CTNNA2: variants seen among roughly 807,000 people sequenced by gnomAD.
The protein encoded by CTNNA2 is catenin alpha-2.
A neutral mutation model predicts 101.0 loss-of-function variants in CTNNA2; 42 were observed. The ratio of observed to expected loss-of-function variants is 0.42; its 90% CI spans 0.32 to 0.54. The LOEUF is 0.54. Among genes scored for constraint, CTNNA2 ranks in the 20% least tolerant of loss-of-function variants. The pLI is 0.14. For synonymous variants in CTNNA2, 450 were observed against 456.4 expected, an observed-to-expected ratio of 0.99 and a Z score of 0.18; for missense variants, 871 against 1,223.1, an observed-to-expected ratio of 0.71 and a Z score of 4.29.
chr2:79,766,143 T>A (rs1490359567), intron 3 of CTNNA2, among the ~76,000 whole-genome samples: 2 of 152,214 alleles, frequency 1.3e-5, no homozygotes, highest in African/African-American at 4.8e-5. Flanking sequence ...CAGGTGATTA[T>A]TTATTGCTCA....
chr2:79,658,942 T>C (rs1024630665), intron 2 of CTNNA2, among the ~76,000 whole-genome samples: 1 of 152,100 alleles, frequency 6.6e-6, no homozygotes, highest in South Asian at 2.1e-4. Context: ...TCAAGCTAAT[T>C]AGCACTTTAT....
chr2:79,733,735 A>G (rs1275891657), intron 2 of CTNNA2, among the ~76,000 whole-genome samples: 2 of 152,088 alleles, frequency 1.3e-5, no homozygotes, highest in African/African-American at 4.8e-5. Context: ...TTTTTAGACA[A>G]AAATCAATAT....
intron 9 of CTNNA2, among the ~76,000 whole-genome samples, chr2:80,439,673 T>G (rs538580530): frequency 1.1e-4 from 16 of 152,346 alleles, no homozygotes; most frequent in African/African-American, 3.8e-4. Flanking sequence ...AATGCTGGGA[T>G]TACAGGCATG....
chr2:80,233,316 C>A (rs1315083520), intron 7 of CTNNA2, among the ~76,000 whole-genome samples: 1 of 152,050 alleles, frequency 6.6e-6, no homozygotes, highest in Non-Finnish European at 1.5e-5. Flanking sequence ...GCAATCCCAC[C>A]GAAAAAGAGC....
At chr2:80,126,479 C>G (rs1242945163) in intron 7 of CTNNA2, among the ~76,000 whole-genome samples, 1 of 149,428 alleles carries the variant, frequency 6.7e-6, no homozygotes, top group Non-Finnish European at 1.5e-5. Flanking sequence ...CTCTCTCTCT[C>G]TGTCTTGATC....
At chr2:79,817,349 T>C (rs1677601537) in intron 3 of CTNNA2, among the ~76,000 whole-genome samples, 1 of 149,042 alleles carries the variant, frequency 6.7e-6, no homozygotes, top group African/African-American at 2.5e-5. Context: ...TTTTGCCATT[T>C]TCTGAGTTAA....
intron 2 of CTNNA2, among the ~76,000 whole-genome samples, chr2:79,734,406 T>C (rs1178147639): frequency 1.3e-5 from 2 of 152,148 alleles, no homozygotes; most frequent in African/African-American, 2.4e-5. Context: ...CTGTAAGATA[T>C]ATATTTTAGA....
intron 1 of CTNNA2, among the ~76,000 whole-genome samples, chr2:79,544,806 TG>T (rs1305221614): frequency 6.6e-6 from 1 of 152,162 alleles, no homozygotes; most frequent in Admixed American, 6.5e-5. Context: ...TGGCCTCCCT[TG>T]CTTGAGCTCT....
chr2:79,553,386 A>G (rs1674236770), intron 1 of CTNNA2, among the ~76,000 whole-genome samples: 1 of 152,174 alleles, frequency 6.6e-6, no homozygotes, highest in Admixed American at 6.6e-5. Context: ...ACCTAGTTCC[A>G]AAGTTGCTTC....
intron 2 of CTNNA2, among the ~76,000 whole-genome samples, chr2:79,675,707 G>C (rs1683138310): frequency 6.6e-6 from 1 of 152,142 alleles, no homozygotes; most frequent in Non-Finnish European, 1.5e-5. Context: ...TTGGATGTCT[G>C]TCTGTTTCAT....
intron 7 of CTNNA2, among the ~76,000 whole-genome samples, chr2:80,063,666 A>G (rs1697768097): frequency 6.6e-6 from 1 of 152,254 alleles, no homozygotes; most frequent in South Asian, 2.1e-4. Flanking sequence ...CTTAGAGAAC[A>G]TGCAAACTAT....
intron 2 of CTNNA2, among the ~76,000 whole-genome samples, chr2:79,269,295 T>A (rs776743919): frequency 3.3e-5 from 5 of 152,114 alleles, no homozygotes; most frequent in African/African-American, 1.2e-4. Context: ...ATTTGAGAAG[T>A]GGATGTGCAC....
intron 15 of CTNNA2, among the ~76,000 whole-genome samples, chr2:80,600,580 A>G (rs75629308): frequency 0.013 from 1,922 of 152,300 alleles, 36 homozygotes; most frequent in African/African-American, 0.042. Flanking sequence ...ATAATGATCA[A>G]TAAATGATGA....
At chr2:79,908,835 C>T (rs972101603) in intron 6 of CTNNA2, among the ~76,000 whole-genome samples, 2 of 152,186 alleles carry the variant, frequency 1.3e-5, no homozygotes, top group Non-Finnish European at 2.9e-5. Context: ...GAATTTTGGA[C>T]GCATATTTCC....
At chr2:80,112,573 A>G (rs1573115180) in intron 7 of CTNNA2, among the ~76,000 whole-genome samples, 1 of 152,196 alleles carries the variant, frequency 6.6e-6, no homozygotes, top group East Asian at 1.9e-4. Flanking sequence ...TATTTAAGCC[A>G]TCATTGTCAC....
chr2:80,296,926 T>C (rs1675797927), intron 7 of CTNNA2, among the ~76,000 whole-genome samples: 1 of 152,196 alleles, frequency 6.6e-6, no homozygotes, highest in South Asian at 2.1e-4. Flanking sequence ...AGACACATGA[T>C]CCATTTAATC....
chr2:80,012,218 G>A (rs1693840106), intron 7 of CTNNA2, among the ~76,000 whole-genome samples: 1 of 152,158 alleles, frequency 6.6e-6, no homozygotes, highest in Non-Finnish European at 1.5e-5. Context: ...ATAAACACAT[G>A]AGGGTTCGAT....
intron 8 of CTNNA2, among the ~76,000 whole-genome samples, chr2:80,407,795 T>A (rs755459910): frequency 9.2e-5 from 14 of 152,172 alleles, no homozygotes; most frequent in Admixed American, 2.0e-4. Context: ...GAAGTACCTC[T>A]AGGGAAAAAT....
rs1558881695 is a variant in CTNNA2, at chr2:79,733,831, A to G, written c.103-10556A>G. Among the ~76,000 whole-genome samples the G allele has an allele frequency of 2.0e-5, 3 of 152,146 alleles. No homozygotes were observed. In the South Asian group the frequency reaches 6.2e-4, roughly 31 times the overall value. ...CTGTGCTGGAGTCCACTAACCTTAAAGAAAGAAAATGTCAAACCTCGTGTT... is the reference window on the plus strand; with the variant it reads ...CTGTGCTGGAGTCCACTAACCTTAAGGAAAGAAAATGTCAAACCTCGTGTT... On this transcript the variant is annotated intron_variant, in intron 2 of 18. Transcript: ENST00000402739.
Sources: gnomAD v4.1 joint callset for allele counts (sites outside exome capture counted in the v4.1 genomes callset) on GRCh38, gnomAD v4.1.1 for gene constraint, MANE v1.5 for transcripts, NCBI Gene and HGNC (gene_info 2026-07-23, HGNC 2026-07-21) for gene names.